NEK1: variants seen among roughly 807,000 people sequenced by gnomAD.
The protein encoded by NEK1 is NIMA related kinase 1.
A neutral mutation model predicts 182.1 loss-of-function variants in NEK1; 137 were observed. That is an observed-to-expected ratio of 0.75 (90% CI 0.65 to 0.87). NEK1 has a LOEUF of 0.87. Among genes scored for constraint, NEK1 ranks in the 40% least tolerant of loss-of-function variants. The pLI, the probability that NEK1 is intolerant of heterozygous loss-of-function variation, is 0.00. For missense variants in NEK1, 1,391 were observed against 1,494.4 expected (o/e 0.93, Z 1.14); for synonymous variants, 513 against 492.2 (o/e 1.04, Z -0.56).
intron 31 of NEK1, 148 bp from the exon 32 acceptor site, chr4:169,406,895 AAC>A: frequency 3.1e-6 from 1 of 318,052 alleles, no homozygotes; most frequent in Non-Finnish European, 5.4e-6. Flanking sequence ...ATATATATGT[AAC>A]ATATAAAAAA....
At chr4:169,513,622 T>A (rs1754557923) in intron 19 of NEK1, among the ~76,000 whole-genome samples, 1 of 152,228 alleles carries the variant, frequency 6.6e-6, no homozygotes, top group Non-Finnish European at 1.5e-5. Context: ...GTGGTAAAAG[T>A]TACATGCTTG....
At chr4:169,592,804 A>C (rs1021091749) in intron 5 of NEK1, among the ~76,000 whole-genome samples, 3 of 152,190 alleles carry the variant, frequency 2.0e-5, no homozygotes, top group Non-Finnish European at 2.9e-5. Flanking sequence ...TTTAAGTATA[A>C]AGATCAAAAA....
chr4:169,500,097 T>C (rs1225774225), intron 23 of NEK1, among the ~76,000 whole-genome samples: 1 of 152,206 alleles, frequency 6.6e-6, no homozygotes, highest in Non-Finnish European at 1.5e-5. Flanking sequence ...GCCTTGGCAA[T>C]GGTGGGCACC....
At chr4:169,567,699 A>G (rs1038164005) in intron 12 of NEK1, among the ~76,000 whole-genome samples, 2 of 152,252 alleles carry the variant, frequency 1.3e-5, no homozygotes, top group African/African-American at 4.8e-5. Context: ...TAGCCAGTGA[A>G]ATGTTTTTAA....
chr4:169,422,099 A>G (rs1474308983), intron 31 of NEK1, among the ~76,000 whole-genome samples: 1 of 152,226 alleles, frequency 6.6e-6, no homozygotes, highest in Admixed American at 6.5e-5. Context: ...CTGAAAAGCT[A>G]AGAAAGGTGA....
intron 27 of NEK1, among the ~76,000 whole-genome samples, chr4:169,459,867 G>A (rs1743630532): frequency 6.6e-6 from 1 of 152,188 alleles, no homozygotes; most frequent in Non-Finnish European, 1.5e-5. Flanking sequence ...GTGGTTGCCA[G>A]GGTTTGGAAG....
intron 23 of NEK1, among the ~76,000 whole-genome samples, chr4:169,504,450 G>C (rs1157402915): frequency 6.6e-6 from 1 of 152,130 alleles, no homozygotes; most frequent in Non-Finnish European, 1.5e-5. Flanking sequence ...TGCAGGACTA[G>C]TCACAATAGC....
rs750249338 is a variant in NEK1 at position 169,508,229 on chromosome 4, A to G, written c.1833+19T>C. On this transcript the variant is annotated intron_variant, in intron 21 of 35. Transcript: ENST00000507142. ...ATGACATCATTCAATTTCTTCAAAA[A>G]AATAGCTTTTCAACCTACCTTTTCA... is the stretch of plus-strand genomic sequence containing the variant. 6.4e-5 allele frequency: 101 copies of G among 1,565,996 alleles called. 2 individuals carry two copies. In the Admixed American group the frequency reaches 1.8e-3, roughly 28 times the overall value.
At chr4:169,580,787 A>T in intron 11 of NEK1, 55 bp downstream of exon 11, 1 of 1,034,248 alleles carries the variant, frequency 9.7e-7, no homozygotes, top group Non-Finnish European at 1.5e-6. Flanking sequence ...TTTCCAGTTT[A>T]ATTAGGGTTG....
intron 31 of NEK1, 133 bp downstream of exon 31, chr4:169,424,420 G>A: frequency 9.5e-7 from 1 of 1,048,868 alleles, no homozygotes; most frequent in Non-Finnish European, 1.3e-6. Context: ...TTGCTCAGAA[G>A]ATGGAGGTTT....
At chr4:169,464,052 G>A (rs1744473609) in intron 26 of NEK1, among the ~76,000 whole-genome samples, 1 of 152,182 alleles carries the variant, frequency 6.6e-6, no homozygotes, top group Non-Finnish European at 1.5e-5. Context: ...AAGCAATAGT[G>A]TCACTGTCTT....
At chr4:169,409,726 C>A (rs534972388) in intron 31 of NEK1, among the ~76,000 whole-genome samples, 89 of 152,230 alleles carry the variant, frequency 5.8e-4, no homozygotes, top group African/African-American at 2.1e-3. Context: ...CGAGATCACA[C>A]CACTGCACTC....
intron 18 of NEK1, chr4:169,553,952 A>G (rs1761783834): frequency 6.6e-6 from 1 of 152,226 alleles, no homozygotes; most frequent in South Asian, 2.1e-4. Context: ...AAAATCAAAC[A>G]TACTCTTAAG....
At chr4:169,437,369 T>C (rs1276003235) in intron 28 of NEK1, among the ~76,000 whole-genome samples, 1 of 152,092 alleles carries the variant, frequency 6.6e-6, no homozygotes, top group Non-Finnish European at 1.5e-5. Context: ...TCAGAAGGTG[T>C]GAGTGTATTT....
In NEK1 at chr4:169,463,274, T is replaced by TG. The variant is rs757133826; in HGVS notation, c.2555dup (p.Glu853ArgfsTer9). On this transcript the variant is annotated frameshift_variant, in exon 27 of 36. Coordinates refer to ENST00000507142, the MANE Select transcript of NEK1 (RefSeq NM_001199397.3). LOFTEE classifies it high-confidence loss of function. ...TAATAGTTGTATTTTCTAATAGTTCTGTCTGAAGTTGTAGTTCAGCTTCTC... is the reference window on the plus strand; with the variant it reads ...TAATAGTTGTATTTTCTAATAGTTCTGGTCTGAAGTTGTAGTTCAGCTTCTC... 1.9e-6 allele frequency: 3 copies of TG among 1,586,594 alleles called. No homozygotes were observed. The East Asian group carries it at 6.8e-5, about 36-fold the overall frequency.
chr4:169,438,242 C>T lies in NEK1; in HGVS notation c.2605G>A (p.Glu869Lys). The change falls in exon 28 of 36, where the codon GAA becomes AAA. Residue 869 changes from glutamate (E) to lysine (K), a missense_variant. This residue lies in a region of NEK1 where 1,216 missense variants were observed against 1,277.6 expected (regional missense o/e 0.95). Coordinates refer to ENST00000507142, the MANE Select transcript of NEK1 (RefSeq NM_001199397.3). The part of the protein sequence containing the change: ...TIRSEISPEG[E>K]KYKPLITGEK... ...CCAGTAATTAAGGGTTTGTACTTTT[C>T]CCCTTCGGGAGAAATCTCTGTGAAA... 2 of 1,544,422 alleles carry T rather than the reference C, an allele frequency of 1.3e-6. No individual in the cohort carries two copies. Among genetic ancestry groups the T allele is most frequent in the African/African-American group, 1.4e-5 (1 of 73,086 alleles).
At chr4:169,587,528 C>A (rs1357944534) in intron 9 of NEK1, 31 bp downstream of exon 9, 2 of 1,251,580 alleles carry the variant, frequency 1.6e-6, no homozygotes, top group East Asian at 5.6e-5. Context: ...TTTAACATAA[C>A]TTTGAAAGTA....
At chr4:169,526,965 T>C (rs182994358) in intron 19 of NEK1, among the ~76,000 whole-genome samples, 37 of 152,132 alleles carry the variant, frequency 2.4e-4, no homozygotes, top group African/African-American at 8.9e-4. Flanking sequence ...TTCAAGAAAC[T>C]AGCAAACCAT....
chr4:169,524,536 C>T (rs1416926483), intron 19 of NEK1, among the ~76,000 whole-genome samples: 1 of 145,368 alleles, frequency 6.9e-6, no homozygotes, highest in East Asian at 2.0e-4. Context: ...TTTTATAATA[C>T]TCAAATCAAA....
Sources: gnomAD v4.1 joint callset for allele counts (sites outside exome capture counted in the v4.1 genomes callset) on GRCh38, gnomAD v4.1.1 for gene constraint, gnomAD v4.1.1 regional missense constraint, MANE v1.5 for transcripts, NCBI Gene and HGNC (gene_info 2026-07-23, HGNC 2026-07-21) for gene names.